Variants in CDCA8 observed in about 807,000 individuals in gnomAD.
The protein encoded by CDCA8 is cell division cycle associated 8.
Under a neutral mutation model 40.0 loss-of-function variants are expected in CDCA8, and 25 were observed. The observed-to-expected ratio is 0.63, with a 90% CI of 0.46 to 0.87. The LOEUF is 0.87. CDCA8 is among the 40% of genes least tolerant of loss of function. The pLI, the probability that CDCA8 is intolerant of heterozygous loss-of-function variation, is 0.00. For synonymous variants in CDCA8, 111 were observed against 126.5 expected, an observed-to-expected ratio of 0.88 and a Z score of 0.82; for missense variants, 280 against 348.4, an observed-to-expected ratio of 0.80 and a Z score of 1.56.
chr1:37,703,382 A>G, intron 7 of CDCA8, 35 bp downstream of exon 7: 1 of 1,432,314 alleles, frequency 7.0e-7, no homozygotes, highest in Non-Finnish European at 9.9e-7. Context: ...ATTTGATGGG[A>G]CTCCAACATT....
In CDCA8 at chr1:37,708,973, T is replaced by TTCC. The variant is rs547685290; in HGVS notation, c.*624_*626dup. ...ACACCTCCCCCTACCAGCCCTCCTC[T>TTCC]TCCTCCTCCTCCTCCTCCTGTGGGA... On this transcript the variant is annotated 3_prime_UTR_variant, in exon 10 of 10. Transcript: ENST00000373055. 3.9e-4 allele frequency: 60 copies of TTCC among 154,510 alleles called. No individual in the cohort carries two copies. In the Middle Eastern group the frequency reaches 0.015, roughly 38 times the overall value. The allele number at this position is 154,510 out of a possible 1,614,324, so 9.6% of individuals were successfully genotyped here. A position where few individuals can be genotyped will look rare whatever the true frequency, so the allele number is the denominator to read the frequency against.
chr1:37,706,806 A>G (rs1321565646), intron 8 of CDCA8, among the ~76,000 whole-genome samples, 172 bp from the exon 9 acceptor site: 1 of 152,226 alleles, frequency 6.6e-6, no homozygotes, highest in African/African-American at 2.4e-5. Flanking sequence ...CCTCCACCCT[A>G]GTGATAGTGC....
In CDCA8 at chr1:37,705,515, C is replaced by T. The variant is rs748136648; in HGVS notation, c.659C>T (p.Pro220Leu). ...RIYNISGNGS[P>L]LADSKEIFLT... ...TACAACATCTCAGGGAATGGCAGCC[C>T]TCTTGCTGACAGCAAAGAGATCTTC... The change falls in exon 8 of 10, where the codon CCT becomes CTT. Residue 220 changes from proline to leucine, a missense_variant. Coordinates refer to ENST00000373055, the MANE Select transcript of CDCA8 (RefSeq NM_001256875.2). The T allele has an allele frequency of 9.9e-6, 16 of 1,613,908 alleles. No individual in the cohort carries two copies. Among genetic ancestry groups the T allele is most frequent in the Admixed American group, 1.7e-5 (1 of 60,026 alleles).
chr1:37,694,634 A>G (rs530004265), intron 2 of CDCA8, among the ~76,000 whole-genome samples: 1 of 152,388 alleles, frequency 6.6e-6, no homozygotes, highest in Non-Finnish European at 1.5e-5. Context: ...AGTGTTTTAC[A>G]TACATTAACT....
chr1:37,695,462 G>A (rs1265131548), intron 2 of CDCA8, among the ~76,000 whole-genome samples: 6 of 151,158 alleles, frequency 4.0e-5, no homozygotes, highest in East Asian at 3.9e-4. Context: ...ATGTGGTGGC[G>A]CATGCCTGTA....
At chr1:37,707,632 C>CCAATTGTT (rs1645610606) in intron 9 of CDCA8, among the ~76,000 whole-genome samples, 1 of 152,118 alleles carries the variant, frequency 6.6e-6, no homozygotes, top group Admixed American at 6.5e-5. Context: ...GCTCTATTGC[C>CCAATTGTT]CAATTGTTCA....
chr1:37,701,691 C>T, intron 5 of CDCA8, 63 bp from the exon 6 acceptor site: 1 of 1,048,820 alleles, frequency 9.5e-7, no homozygotes, highest in Non-Finnish European at 1.4e-6. Flanking sequence ...AAAAAAAAAC[C>T]CTCCTTACCT....
chr1:37,703,397 A>G (rs768663130), intron 7 of CDCA8, 50 bp downstream of exon 7: 14 of 1,306,814 alleles, frequency 1.1e-5, no homozygotes, highest in Non-Finnish European at 1.6e-5. Context: ...AACATTGAGC[A>G]CTACCCAGAG....
At chr1:37,699,735 C>T (rs902951243) in intron 4 of CDCA8, among the ~76,000 whole-genome samples, 7 of 151,912 alleles carry the variant, frequency 4.6e-5, no homozygotes, top group East Asian at 1.9e-4. Flanking sequence ...CTGGCTAATA[C>T]GGTGAACCCC....
rs1451327439 is a variant in CDCA8, at chr1:37,708,386, T to C, written c.*20T>C. On this transcript the variant is annotated 3_prime_UTR_variant, in exon 10 of 10. Transcript: ENST00000373055. Reference sequence around the variant, plus strand: ...AAATGAGACACCAAAGTTGACAGGATGGACTTTTAATGGGCACTTCTGGGA... The same window carrying C: ...AAATGAGACACCAAAGTTGACAGGACGGACTTTTAATGGGCACTTCTGGGA... The C allele has an allele frequency of 6.2e-7, 1 of 1,613,232 alleles. No homozygotes were observed. The highest frequency in any genetic ancestry group is 2.2e-5 in the East Asian group (1 of 44,872).
intron 4 of CDCA8, 37 bp from the exon 5 acceptor site, chr1:37,700,399 A>G: frequency 1.6e-6 from 2 of 1,256,258 alleles, no homozygotes; most frequent in Non-Finnish European, 2.3e-6. Context: ...CTTTATTTTC[A>G]TCAGAAATAC....
At chr1:37,700,108 G>C (rs1389870296) in intron 4 of CDCA8, among the ~76,000 whole-genome samples, 1 of 152,142 alleles carries the variant, frequency 6.6e-6, no homozygotes, top group African/African-American at 2.4e-5. Context: ...ATTAAGCTAT[G>C]ATAGTTTGAT....
chr1:37,705,002 AT>A (rs1645589257), intron 7 of CDCA8, among the ~76,000 whole-genome samples: 1 of 152,194 alleles, frequency 6.6e-6, no homozygotes, highest in Non-Finnish European at 1.5e-5. Context: ...AACAAAAGGC[AT>A]TTAGGGAAAA....
intron 4 of CDCA8, among the ~76,000 whole-genome samples, chr1:37,699,332 GA>G (rs1431081814): frequency 6.6e-6 from 1 of 152,218 alleles, no homozygotes; most frequent in Non-Finnish European, 1.5e-5. Context: ...AAGATTTAGA[GA>G]GGTGTTAAAA....
chr1:37,698,596 C>A (rs1041977806), intron 3 of CDCA8, among the ~76,000 whole-genome samples: 1 of 152,130 alleles, frequency 6.6e-6, no homozygotes, highest in Non-Finnish European at 1.5e-5. Flanking sequence ...ATGTACCTTT[C>A]GATAAAGCAA....
intron 5 of CDCA8, 55 bp downstream of exon 5, chr1:37,700,576 AATGC>A: frequency 1.0e-6 from 1 of 975,488 alleles, no homozygotes; most frequent in Non-Finnish European, 1.7e-6. Flanking sequence ...AGCAAATACA[AATGC>A]ATAAAATACA....
At chr1:37,703,718 GAAA>G (rs1645580430) in intron 7 of CDCA8, among the ~76,000 whole-genome samples, 1 of 152,078 alleles carries the variant, frequency 6.6e-6, no homozygotes, top group Non-Finnish European at 1.5e-5. Context: ...TCTGTCTTAA[GAAA>G]AGAAAAGAAA....
intron 2 of CDCA8, among the ~76,000 whole-genome samples, chr1:37,693,407 T>A (rs895795511): frequency 2.0e-5 from 3 of 152,058 alleles, no homozygotes; most frequent in African/African-American, 4.8e-5. Context: ...TAATTTTTTT[T>A]AAACAGAGTC....
chr1:37,700,313 T>G (rs1645555180), intron 4 of CDCA8, 123 bp from the exon 5 acceptor site: 1 of 625,102 alleles, frequency 1.6e-6, no homozygotes, highest in Non-Finnish European at 2.9e-6. Flanking sequence ...AAGTCTTCTT[T>G]ATTTTTAGTC....
Sources: allele counts gnomAD v4.1 joint callset (sites outside exome capture counted in the v4.1 genomes callset), GRCh38; gene constraint gnomAD v4.1.1; transcripts MANE v1.5; gene names NCBI Gene and HGNC (gene_info 2026-07-23, HGNC 2026-07-21).